NLRP14: variants seen among roughly 807,000 people sequenced by gnomAD.
The protein encoded by NLRP14 is NACHT, LRR and PYD domains-containing protein 14.
NLRP14 carries 105 observed loss-of-function variants against 94.7 expected under a neutral mutation model. The observed-to-expected ratio is 1.11, with a 90% CI of 0.95 to 1.30. The LOEUF (loss-of-function observed/expected upper bound fraction) is 1.30. Ranked by LOEUF, NLRP14 falls within the 50% of genes most tolerant of loss-of-function variation. NLRP14 has a pLI of 0.00. For synonymous variants in NLRP14, 508 were observed against 459.9 expected (o/e 1.10, Z -1.34); for missense variants, 1,362 against 1,254.1 (o/e 1.09, Z -1.30).
At chr11:7,044,919 C>T (rs1408725632) in intron 4 of NLRP14, among the ~76,000 whole-genome samples, 1 of 152,168 alleles carries the variant, frequency 6.6e-6, no homozygotes, top group Non-Finnish European at 1.5e-5. Context: ...CATAACCTGA[C>T]AGTCTTCTAA....
rs1330395749 is a variant in NLRP14 at position 7,062,188 on chromosome 11, T to TA, written c.2805-142dup. The stretch of plus-strand genomic sequence containing the variant: ...TAAGAAATCCCATCATTTTTACTGA[T>TA]AAATTAGACCCTCCCATGTATGTCC... On this transcript the variant is annotated intron_variant, in intron 9 of 11. Transcript: ENST00000299481. 18 of 686,876 alleles carry TA rather than the reference T, an allele frequency of 2.6e-5. No homozygotes were observed. In the Admixed American group the frequency reaches 3.9e-4, roughly 15 times the overall value. 42.5% of individuals were successfully genotyped at this position (686,876 alleles called of 1,614,324 possible). A position where few individuals can be genotyped will look rare whatever the true frequency, so the allele number is the denominator to read the frequency against.
At chr11:7,084,043 A>G in the NLRP14 span, among the ~76,000 whole-genome samples, 1 of 152,176 alleles carries the variant, frequency 6.6e-6, no homozygotes, top group African/African-American at 2.4e-5. Flanking sequence ...TTGCCCATCA[A>G]ACTGGTTTGT....
chr11:7,059,114 T>A (rs955159860), intron 8 of NLRP14, among the ~76,000 whole-genome samples: 3 of 151,464 alleles, frequency 2.0e-5, no homozygotes, highest in African/African-American at 7.3e-5. Context: ...GTTTTTGGCC[T>A]TTTATATTTA....
At chr11:7,051,629 T>C (rs1241006786) in intron 6 of NLRP14, among the ~76,000 whole-genome samples, 3 of 152,310 alleles carry the variant, frequency 2.0e-5, no homozygotes, top group Admixed American at 1.3e-4. Context: ...TCTTCTTTCT[T>C]TTTTTGAGAC....
intron 6 of NLRP14, among the ~76,000 whole-genome samples, chr11:7,052,363 T>C (rs576906322): frequency 1.3e-5 from 2 of 152,342 alleles, no homozygotes; most frequent in African/African-American, 4.8e-5. Flanking sequence ...CCGGGTGTGG[T>C]GGCTCACGCC....
At chr11:7,045,548 G>A (rs1265248962) in intron 4 of NLRP14, among the ~76,000 whole-genome samples, 5 of 152,070 alleles carry the variant, frequency 3.3e-5, no homozygotes, top group African/African-American at 1.2e-4. Context: ...TTTATCTCGT[G>A]TTCGCACAGA....
At chr11:7,087,726 A>G in the NLRP14 span, among the ~76,000 whole-genome samples, 1 of 152,224 alleles carries the variant, frequency 6.6e-6, no homozygotes, top group Non-Finnish European at 1.5e-5. Flanking sequence ...GAGGAAAAAG[A>G]AACAAAGACA....
chr11:7,057,141 C>CT (rs1852527990), intron 6 of NLRP14, among the ~76,000 whole-genome samples: 2 of 151,996 alleles, frequency 1.3e-5, no homozygotes, highest in Non-Finnish European at 1.5e-5. Flanking sequence ...TCTACATGTA[C>CT]TTTTTCTGTT....
intron 1 of NLRP14, among the ~76,000 whole-genome samples, chr11:7,031,631 G>C (rs1285992396): frequency 6.6e-6 from 1 of 152,176 alleles, no homozygotes; most frequent in East Asian, 1.9e-4. Context: ...ACTTTCACCA[G>C]CCTTGACGAA....
intron 7 of NLRP14, among the ~76,000 whole-genome samples, 163 bp downstream of exon 7, chr11:7,058,010 C>T (rs140279192): frequency 6.6e-6 from 1 of 152,072 alleles, no homozygotes; most frequent in Admixed American, 6.6e-5. Flanking sequence ...CTACTTCCCT[C>T]TCTTTTACTT....
intron 10 of NLRP14, among the ~76,000 whole-genome samples, chr11:7,066,082 C>T: frequency 6.6e-6 from 1 of 152,156 alleles, no homozygotes; most frequent in South Asian, 2.1e-4. Flanking sequence ...TGTATATGTG[C>T]CACATTTTCT....
At chr11:7,051,338 A>G (rs1852438756) in intron 6 of NLRP14, among the ~76,000 whole-genome samples, 1 of 152,104 alleles carries the variant, frequency 6.6e-6, no homozygotes, top group African/African-American at 2.4e-5. Context: ...TTCATATCTC[A>G]TGTTATAAGA....
chr11:7,038,997 G>T, intron 2 of NLRP14, 122 bp downstream of exon 2: 1 of 885,616 alleles, frequency 1.1e-6, no homozygotes, highest in South Asian at 1.8e-5. Context: ...TAAGCTCCAT[G>T]GTGGTCTTGT....
chr11:7,046,580 T>C lies in NLRP14; in HGVS notation c.1959-88T>C, dbSNP rs1175681013. The C allele has an allele frequency of 7.0e-6, 9 of 1,284,178 alleles. No homozygotes were observed. The African/African-American group carries it at 1.3e-4, about 19-fold the overall frequency. 79.5% of individuals were successfully genotyped at this position (1,284,178 alleles called of 1,614,324 possible). ...TGCTCTTGCCTTTCCAAAGTACACT[T>C]ACTTTTACTCCAATACTATCCTCTG... On this transcript the variant is annotated intron_variant, in intron 4 of 11. Coordinates refer to ENST00000299481, the MANE Select transcript of NLRP14 (RefSeq NM_176822.4).
intron 1 of NLRP14, among the ~76,000 whole-genome samples, chr11:7,032,557 C>A (rs898318131): frequency 6.6e-6 from 1 of 152,066 alleles, no homozygotes; most frequent in East Asian, 1.9e-4. Flanking sequence ...TAGCAATTAA[C>A]ATTTATATTA....
intron 1 of NLRP14, among the ~76,000 whole-genome samples, chr11:7,034,195 C>T (rs996510107): frequency 6.6e-6 from 1 of 152,184 alleles, no homozygotes; most frequent in South Asian, 2.1e-4. Context: ...TCTCTTTTCT[C>T]TCATATATTC....
the NLRP14 span, chr11:7,089,456 C>T: frequency 2.2e-6 from 3 of 1,334,324 alleles, no homozygotes; most frequent in African/African-American, 1.6e-5. Context: ...GCGGAACCCG[C>T]GGGGGTGGCG....
chr11:7,059,777 C>T (rs1852584150), intron 8 of NLRP14, 117 bp from the exon 9 acceptor site: 2 of 892,248 alleles, frequency 2.2e-6, no homozygotes, highest in South Asian at 2.8e-5. Context: ...GGTGTTTCAT[C>T]TGAGATGGAA....
At chr11:7,067,277 A>G (rs1404913607) in intron 10 of NLRP14, among the ~76,000 whole-genome samples, 1 of 152,192 alleles carries the variant, frequency 6.6e-6, no homozygotes, top group Admixed American at 6.5e-5. Context: ...CATTGAACCT[A>G]TAAATTACTT....
Sources: gnomAD v4.1 joint callset for allele counts (sites outside exome capture counted in the v4.1 genomes callset) on GRCh38, gnomAD v4.1.1 for gene constraint, MANE v1.5 for transcripts, NCBI Gene and HGNC (gene_info 2026-07-23, HGNC 2026-07-21) for gene names.